FNTB: variants seen among roughly 807,000 people sequenced by gnomAD.
FNTB encodes protein farnesyltransferase subunit beta.
A neutral mutation model predicts 59.4 loss-of-function variants in FNTB; 27 were observed. That is an observed-to-expected ratio of 0.45 (90% CI 0.34 to 0.63). The LOEUF (loss-of-function observed/expected upper bound fraction) is 0.63, where lower values mean the gene tolerates loss of function less well. Among genes scored for constraint, FNTB ranks in the 20% least tolerant of loss-of-function variants. The pLI is 0.02. For synonymous variants in FNTB, 230 were observed against 220.7 expected (o/e 1.04, Z -0.37); for missense variants, 449 against 559.6 (o/e 0.80, Z 1.99).
intron 9 of FNTB, among the ~76,000 whole-genome samples, chr14:65,049,917 T>C (rs139928174): frequency 1.2e-3 from 186 of 152,244 alleles, no homozygotes; most frequent in African/African-American, 4.2e-3. Context: ...TTAAATATTT[T>C]CTTAAAAAGG....
At chr14:65,018,732 T>C (rs951766051) in intron 4 of FNTB, among the ~76,000 whole-genome samples, 1 of 148,982 alleles carries the variant, frequency 6.7e-6, no homozygotes, top group East Asian at 2.0e-4. Flanking sequence ...ATTGCTTGAA[T>C]CTGGGAGGTG....
intron 4 of FNTB, among the ~76,000 whole-genome samples, chr14:65,021,577 C>T (rs2061886752): frequency 6.6e-6 from 1 of 152,162 alleles, no homozygotes; most frequent in Non-Finnish European, 1.5e-5. Context: ...ATATCCTCTA[C>T]AGGACGGTCC....
chr14:65,056,192 A>C (rs970626086), intron 11 of FNTB, among the ~76,000 whole-genome samples: 5 of 151,816 alleles, frequency 3.3e-5, no homozygotes, highest in Admixed American at 6.6e-5. Context: ...TGCTTTTTCC[A>C]CTTGCCATTG....
chr14:65,006,400 C>G, intron 2 of FNTB: 2 of 1,470,910 alleles, frequency 1.4e-6, no homozygotes, highest in Non-Finnish European at 1.8e-6. Context: ...AATTATTCCT[C>G]TTGTCATGAG....
chr14:65,019,971 T>C (rs890565001), intron 4 of FNTB, among the ~76,000 whole-genome samples: 4 of 152,246 alleles, frequency 2.6e-5, no homozygotes, highest in African/African-American at 9.6e-5. Context: ...TCAGTTTTCT[T>C]TCTTCATACA....
intron 11 of FNTB, among the ~76,000 whole-genome samples, chr14:65,057,393 T>C (rs2062760056): frequency 1.3e-5 from 2 of 152,158 alleles, no homozygotes; most frequent in African/African-American, 2.4e-5. Context: ...TGCTCCAGTC[T>C]GGGAGATAGA....
rs576001440 is a variant in FNTB, at chr14:65,037,402, CCTTTTTTTTTTTTTTTT to C, written c.693-3387_693-3371del. The stretch of plus-strand genomic sequence containing the variant: ...ATAGGCGTGAGCCACCACGCCGGGC[CCTTTTTTTTTTTTTTTT>C]TTTTTTTTTTTTTTTTTTTTTTTTT... On this transcript the variant is annotated intron_variant, in intron 7 of 11. Transcript: ENST00000246166. Among the ~76,000 whole-genome samples the C allele has an allele frequency of 7.9e-3, 115 of 14,522 alleles. 12 individuals carry two copies. Among genetic ancestry groups the C allele is most frequent in the Admixed American group, 0.018 (25 of 1,410 alleles). The allele number at this position is 14,522 out of a possible 152,430, so 9.5% of individuals were successfully genotyped here.
chr14:65,027,685 C>T lies in FNTB; in HGVS notation c.522-13C>T, dbSNP rs375947139. 6.2e-7 allele frequency: 1 copy of T among 1,614,090 alleles called. No homozygotes were observed. Among genetic ancestry groups the T allele is most frequent in the Non-Finnish European group, 8.5e-7 (1 of 1,180,036 alleles). ...TGACTGTTGCCTCTCCTACCTCTTT[C>T]CCTGTTTCTCAGAGAGAAGCTTCTT... On this transcript the variant is annotated splice_polypyrimidine_tract_variant and intron_variant, in intron 5 of 11. Coordinates refer to ENST00000246166, the MANE Select transcript of FNTB (RefSeq NM_002028.4). This position sits in a 1 kb window ranked among gnomAD's most constrained non-coding sequence, Gnocchi z 5.7.
chr14:65,027,218 A>C lies in FNTB; in HGVS notation c.375-235A>C, dbSNP rs899931285. Reference sequence around the variant, plus strand: ...TTCCCAGCCTTGTGTTCCCTGCTTCATGACCAACAAGCGCTTAAGTACGAA... The same window carrying C: ...TTCCCAGCCTTGTGTTCCCTGCTTCCTGACCAACAAGCGCTTAAGTACGAA... On this transcript the variant is annotated intron_variant, in intron 4 of 11. Transcript: ENST00000246166. This position sits in a 1 kb window ranked among gnomAD's most constrained non-coding sequence, Gnocchi z 5.7. 1.3e-5 allele frequency among the ~76,000 whole-genome samples: 2 copies of C among 152,208 alleles called. No homozygotes were observed. Among genetic ancestry groups the C allele is most frequent in the Non-Finnish European group, 2.9e-5 (2 of 68,028 alleles).
intron 7 of FNTB, among the ~76,000 whole-genome samples, chr14:65,033,953 T>A (rs186961754): frequency 3.3e-5 from 5 of 152,340 alleles, no homozygotes; most frequent in African/African-American, 1.2e-4. Context: ...TTTATTTTTA[T>A]CAAAGTAGTA....
At chr14:65,051,715 C>T (rs1199927311) in intron 9 of FNTB, among the ~76,000 whole-genome samples, 1 of 151,656 alleles carries the variant, frequency 6.6e-6, no homozygotes, top group Non-Finnish European at 1.5e-5. Context: ...GAAATCTTTT[C>T]CCCCGTTTTT....
rs927972857 is a variant in FNTB at position 65,001,561 on chromosome 14, G to A, written c.145-2688G>A. On this transcript the variant is annotated intron_variant, in intron 1 of 11. Coordinates refer to ENST00000246166, the MANE Select transcript of FNTB (RefSeq NM_002028.4). This position sits in a 1 kb window ranked among gnomAD's most constrained non-coding sequence, Gnocchi z 5.5. ...TATATGGGAGGGTTGTATAGGTTTT[G>A]TGTAAATACTCCAGCATTTTATATC... is the stretch of plus-strand genomic sequence containing the variant. Among the ~76,000 whole-genome samples, 6 of 152,280 alleles carry A rather than the reference G, an allele frequency of 3.9e-5. No individual in the cohort carries two copies. Among genetic ancestry groups the A allele is most frequent in the Middle Eastern group, 3.4e-3 (1 of 294 alleles).
intron 9 of FNTB, among the ~76,000 whole-genome samples, chr14:65,051,908 C>T (rs991111345): frequency 2.6e-5 from 4 of 151,788 alleles, no homozygotes. Context: ...CATTCTCCTG[C>T]CTCAGCCTCC....
At position 65,027,297 on chromosome 14, in the gene FNTB, T is replaced by C. The variant is rs980937199; in HGVS notation, c.375-156T>C. The C allele has an allele frequency of 9.5e-6, 11 of 1,160,236 alleles. No homozygotes were observed. The highest frequency in any genetic ancestry group is 6.2e-5 in the African/African-American group (4 of 65,040). The allele number at this position is 1,160,236 out of a possible 1,614,324, so 71.9% of individuals were successfully genotyped here. A position where few individuals can be genotyped will look rare whatever the true frequency, so the allele number is the denominator to read the frequency against. On this transcript the variant is annotated intron_variant, in intron 4 of 11. Transcript: ENST00000246166. The surrounding 1 kb of genome is among the most constrained non-coding windows in gnomAD (Gnocchi z 5.7). ...ATAGCTGGAGAGAGAATTAAGCCCT[T>C]TGGGGAGAGGTTATATTCAACAAGT...
In FNTB at chr14:64,993,707, C is replaced by G. The variant is rs79210754; in HGVS notation, c.144+6610C>G. Among the ~76,000 whole-genome samples the G allele has an allele frequency of 1.1e-3, 162 of 152,172 alleles. 8 individuals are homozygous for G. In the South Asian group the frequency reaches 0.022, roughly 21 times the overall value. ...ATAGGAAGCAGAGAAGTGATAGTGC[C>G]TGGTATGAAAGTTGGTGCCTCATGA... On this transcript the variant is annotated intron_variant, in intron 1 of 11. Transcript: ENST00000246166.
intron 9 of FNTB, among the ~76,000 whole-genome samples, chr14:65,045,291 A>C (rs1370993939): frequency 6.6e-6 from 1 of 152,182 alleles, no homozygotes; most frequent in African/African-American, 2.4e-5. Context: ...CCCTGGGTCC[A>C]AAGAGAAGCT....
intron 1 of FNTB, among the ~76,000 whole-genome samples, chr14:64,999,833 G>A (rs563484632): frequency 6.6e-6 from 1 of 152,322 alleles, no homozygotes; most frequent in East Asian, 1.9e-4. Flanking sequence ...GTTACTAACT[G>A]CATTGGAAAA....
Position 65,061,482 on chromosome 14 carries a change from C to T in FNTB, c.*170C>T. ...AACCAATGGCTCTGGGTTTGGAGAA[C>T]ACAGTGGCTGGTTTTAAAAATTCTT... is the stretch of plus-strand genomic sequence containing the variant. On this transcript the variant is annotated 3_prime_UTR_variant, in exon 12 of 12. Transcript: ENST00000246166. 7 of 1,201,954 alleles carry T rather than the reference C, an allele frequency of 5.8e-6. No homozygotes were observed. The highest frequency in any genetic ancestry group is 7.8e-6 in the Non-Finnish European group (7 of 894,726). 74.5% of individuals were successfully genotyped at this position (1,201,954 alleles called of 1,614,324 possible).
chr14:65,013,722 ATT>A (rs1164299388), intron 3 of FNTB, among the ~76,000 whole-genome samples: 1 of 152,076 alleles, frequency 6.6e-6, no homozygotes, highest in East Asian at 1.9e-4. Flanking sequence ...TAATTTTTGT[ATT>A]TTTAGTAGAG....
Sources: allele counts gnomAD v4.1 joint callset (sites outside exome capture counted in the v4.1 genomes callset), GRCh38; gene constraint gnomAD v4.1.1; non-coding constraint Gnocchi (gnomAD v3.1); transcripts MANE v1.5; gene names NCBI Gene and HGNC (gene_info 2026-07-23, HGNC 2026-07-21).